CUL3: variants seen among roughly 807,000 people sequenced by gnomAD.
CUL3 encodes the protein cullin-3.
A neutral mutation model predicts 89.1 loss-of-function variants in CUL3; 19 were observed. The observed-to-expected ratio is 0.21, with a 90% CI of 0.15 to 0.31. The LOEUF (loss-of-function observed/expected upper bound fraction) is 0.31. Ranked by LOEUF, CUL3 falls within the 10% of genes least tolerant of loss-of-function variation. The pLI, the probability that CUL3 is intolerant of heterozygous loss-of-function variation, is 1.00. For missense variants in CUL3, 469 were observed against 942.3 expected, an observed-to-expected ratio of 0.50 and a Z score of 6.58; for synonymous variants, 351 against 308.4, an observed-to-expected ratio of 1.14 and a Z score of -1.45.
chr2:224,560,372 CAG>C (rs1186919704), intron 1 of CUL3: 1 of 152,108 alleles, frequency 6.6e-6, no homozygotes, highest in East Asian at 1.9e-4. Context: ...CTGTACATGC[CAG>C]AGTCATATAT....
intron 3 of CUL3, among the ~76,000 whole-genome samples, chr2:224,529,461 CAAAAAA>C (rs34911671): frequency 7.8e-5 from 10 of 127,402 alleles, no homozygotes; most frequent in African/African-American, 1.2e-4. Flanking sequence ...ACTAAAAATA[CAAAAAA>C]AAAAAAAAAA....
chr2:224,582,692 G>A (rs533380724), intron 1 of CUL3, among the ~76,000 whole-genome samples: 29 of 152,218 alleles, frequency 1.9e-4, no homozygotes, highest in African/African-American at 5.8e-4. Flanking sequence ...AGTACTATGT[G>A]GTAACGTATC....
intron 13 of CUL3, among the ~76,000 whole-genome samples, chr2:224,490,325 CCT>C (rs921784429): frequency 6.6e-6 from 1 of 152,234 alleles, no homozygotes; most frequent in African/African-American, 2.4e-5. Flanking sequence ...TCTCTAACCC[CCT>C]CTCTCTCTGC....
At chr2:224,582,774 T>G (rs1389296119) in intron 1 of CUL3, among the ~76,000 whole-genome samples, 1 of 152,174 alleles carries the variant, frequency 6.6e-6, no homozygotes, top group Non-Finnish European at 1.5e-5. Context: ...CCAACAATAT[T>G]AGCTCCAAAA....
intron 10 of CUL3, among the ~76,000 whole-genome samples, chr2:224,500,920 G>A (rs1316053971): frequency 6.6e-6 from 1 of 151,590 alleles, no homozygotes; most frequent in Non-Finnish European, 1.5e-5. Context: ...CATCGCACCC[G>A]GCAAAAAAAC....
chr2:224,547,263 ACTTT>A (rs1445158003), intron 2 of CUL3, among the ~76,000 whole-genome samples: 5 of 152,020 alleles, frequency 3.3e-5, no homozygotes, highest in African/African-American at 9.7e-5. Flanking sequence ...AGCCCAACCC[ACTTT>A]ACTATCCTCA....
intron 2 of CUL3, among the ~76,000 whole-genome samples, chr2:224,542,866 AG>A (rs1694168695): frequency 6.6e-6 from 1 of 152,210 alleles, no homozygotes; most frequent in Admixed American, 6.5e-5. Context: ...CAGGAGCTAC[AG>A]GCTTCCAAAC....
At chr2:224,567,116 A>C (rs1695060460) in intron 1 of CUL3, among the ~76,000 whole-genome samples, 1 of 152,234 alleles carries the variant, frequency 6.6e-6, no homozygotes, top group Non-Finnish European at 1.5e-5. Context: ...TTTCCACTAA[A>C]CATAATGAAA....
intron 3 of CUL3, among the ~76,000 whole-genome samples, chr2:224,518,734 C>G (rs779546946): frequency 3.3e-5 from 5 of 152,106 alleles, no homozygotes; most frequent in Non-Finnish European, 7.4e-5. Flanking sequence ...ATATCATTTC[C>G]TATGAAAATC....
At chr2:224,544,485 GT>G (rs1331090085) in intron 2 of CUL3, among the ~76,000 whole-genome samples, 1 of 151,552 alleles carries the variant, frequency 6.6e-6, no homozygotes, top group Non-Finnish European at 1.5e-5. Flanking sequence ...ACCATTATAA[GT>G]AATGTTACAA....
chr2:224,537,462 A>G (rs1489041932), intron 2 of CUL3, among the ~76,000 whole-genome samples: 1 of 152,198 alleles, frequency 6.6e-6, no homozygotes, highest in Non-Finnish European at 1.5e-5. Context: ...AATTCCTCCA[A>G]AAATGTTAAC....
intron 1 of CUL3, among the ~76,000 whole-genome samples, chr2:224,560,097 A>T (rs1160752206): frequency 6.6e-6 from 1 of 152,072 alleles, no homozygotes; most frequent in Non-Finnish European, 1.5e-5. Flanking sequence ...AAGAAGAAGA[A>T]AAAAAAGAAA....
At chr2:224,542,556 C>CGTGTGCGT (rs1553532508) in intron 2 of CUL3, among the ~76,000 whole-genome samples, 17 of 150,370 alleles carry the variant, frequency 1.1e-4, no homozygotes, top group Non-Finnish European at 2.1e-4. Flanking sequence ...TGTGCGTGTG[C>CGTGTGCGT]GTGTGTGTGT....
At position 224,497,761 on chromosome 2, in the gene CUL3, C is replaced by T. The variant is rs3738952; in HGVS notation, c.1699G>A (p.Val567Ile). The T allele has an allele frequency of 0.1, 167,145 of 1,609,540 alleles. 10,865 individuals are homozygous for T. Among genetic ancestry groups the T allele is most frequent in the East Asian group, 0.29 (12,855 of 44,816 alleles). ...ADLNATFYGP[V>I]KKEDGSEVGV... Reference sequence around the variant, plus strand: ...AAACTATCAATATTTACCTTTTTAACTGGTCCATAAAATGTGGCATTGAGA... The same window carrying T: ...AAACTATCAATATTTACCTTTTTAATTGGTCCATAAAATGTGGCATTGAGA... Residue 567 changes from valine to isoleucine, a missense_variant, in exon 12 of 16, where the codon GTT becomes ATT. This residue lies in a region of CUL3 where 370 missense variants were observed against 733.2 expected (regional missense o/e 0.50). Coordinates refer to ENST00000264414, the MANE Select transcript of CUL3 (RefSeq NM_003590.5).
intron 4 of CUL3, 114 bp downstream of exon 4, chr2:224,514,498 C>T (rs1184640024): frequency 7.1e-6 from 6 of 850,874 alleles, no homozygotes; most frequent in African/African-American, 1.7e-5. Flanking sequence ...GAGGATTTTC[C>T]CAATGTGCTC....
At chr2:224,535,447 G>C in intron 3 of CUL3, 81 bp downstream of exon 3, 1 of 917,696 alleles carries the variant, frequency 1.1e-6, no homozygotes, top group South Asian at 1.7e-5. Flanking sequence ...TGGGATTACA[G>C]GCGTGAGCCA....
Position 224,472,145 on chromosome 2 carries a change from G to A in CUL3, c.*2100C>T, listed in dbSNP as rs1691153709. 4.4e-6 allele frequency: 1 copy of A among 228,240 alleles called. No homozygotes were observed. Among genetic ancestry groups the A allele is most frequent in the Non-Finnish European group, 8.7e-6 (1 of 115,094 alleles). 14.1% of individuals were successfully genotyped at this position (228,240 alleles called of 1,614,324 possible). A position where few individuals can be genotyped will look rare whatever the true frequency, so the allele number is the denominator to read the frequency against. On this transcript the variant is annotated 3_prime_UTR_variant, in exon 16 of 16. Transcript: ENST00000264414. The stretch of plus-strand genomic sequence containing the variant: ...AACCATTCAACTGCAATTCAGAAAT[G>A]TTTTAATGTATTTAGAAGCATAAAT...
chr2:224,571,289 T>C (rs1440762229), intron 1 of CUL3, among the ~76,000 whole-genome samples: 1 of 152,200 alleles, frequency 6.6e-6, no homozygotes, highest in Non-Finnish European at 1.5e-5. Flanking sequence ...AAATAAAATT[T>C]GTTGTATTTC....
chr2:224,482,351 C>G (rs1318843306), intron 13 of CUL3, among the ~76,000 whole-genome samples: 1 of 152,048 alleles, frequency 6.6e-6, no homozygotes, highest in African/African-American at 2.4e-5. Context: ...TGTTATCCAG[C>G]AGAGATTATC....
Sources: allele counts gnomAD v4.1 joint callset (sites outside exome capture counted in the v4.1 genomes callset), GRCh38; gene constraint gnomAD v4.1.1; regional missense constraint gnomAD v4.1.1; transcripts MANE v1.5; gene names NCBI Gene and HGNC (gene_info 2026-07-23, HGNC 2026-07-21).